Variants in THSD7B observed in about 807,000 individuals in gnomAD.
THSD7B encodes thrombospondin type-1 domain-containing protein 7B.
A neutral mutation model predicts 213.6 loss-of-function variants in THSD7B; 138 were observed. That is an observed-to-expected ratio of 0.65 (90% CI 0.56 to 0.74). THSD7B has a LOEUF of 0.74. THSD7B is among the 30% of genes least tolerant of loss of function. The probability of loss-of-function intolerance (pLI) is 0.00; values close to 1 mark genes in which losing one functional copy is unlikely to be tolerated. For synonymous variants in THSD7B, 742 were observed against 687.0 expected (o/e 1.08, Z -1.25); for missense variants, 1,931 against 1,991.5 (o/e 0.97, Z 0.58).
chr2:136,977,807 T>TTGTTTTG (rs58024788), intron 2 of THSD7B, among the ~76,000 whole-genome samples: 8,219 of 53,382 alleles, frequency 0.15, 447 homozygotes, highest in African/African-American at 0.22. Flanking sequence ...CTTTGTTTTT[T>TTGTTTTG]TTTTTTTTTT....
chr2:137,620,543 G>A, intron 19 of THSD7B, 66 bp from the exon 20 acceptor site: 1 of 1,268,358 alleles, frequency 7.9e-7, no homozygotes, highest in Non-Finnish European at 1.1e-6. Flanking sequence ...TCTTTCCCAT[G>A]AAAGGACAGT....
At chr2:137,007,019 G>A (rs1393783205) in intron 2 of THSD7B, among the ~76,000 whole-genome samples, 1 of 152,186 alleles carries the variant, frequency 6.6e-6, no homozygotes, top group Non-Finnish European at 1.5e-5. Flanking sequence ...TCCTAGCTGT[G>A]TAGAGGACAA....
At chr2:136,944,524 T>C (rs1684890699) in intron 2 of THSD7B, among the ~76,000 whole-genome samples, 1 of 152,124 alleles carries the variant, frequency 6.6e-6, no homozygotes, top group Admixed American at 6.5e-5. Flanking sequence ...TCTAAGTCTC[T>C]TTATAGGTCT....
intron 15 of THSD7B, among the ~76,000 whole-genome samples, chr2:137,537,069 C>CA (rs571168523): frequency 2.0e-5 from 3 of 151,270 alleles, no homozygotes; most frequent in Non-Finnish European, 4.4e-5. Flanking sequence ...GTTGTCTATA[C>CA]AAAAAAAAGA....
chr2:137,592,564 C>T (rs887088945), intron 17 of THSD7B, among the ~76,000 whole-genome samples: 1 of 151,872 alleles, frequency 6.6e-6, no homozygotes, highest in African/African-American at 2.4e-5. Context: ...GAGACTATAA[C>T]TTTTATTCCT....
At chr2:137,439,324 G>T (rs1263844056) in intron 14 of THSD7B, among the ~76,000 whole-genome samples, 2 of 151,924 alleles carry the variant, frequency 1.3e-5, no homozygotes, top group Non-Finnish European at 2.9e-5. Context: ...AGCCTTCTTT[G>T]TGTGAATTAG....
At chr2:137,073,126 G>C (rs1331976004) in intron 3 of THSD7B, among the ~76,000 whole-genome samples, 1 of 152,146 alleles carries the variant, frequency 6.6e-6, no homozygotes, top group Non-Finnish European at 1.5e-5. Context: ...CATAAAATGA[G>C]TTAGGGAGGA....
At chr2:137,637,938 C>A (rs1208253653) in intron 20 of THSD7B, among the ~76,000 whole-genome samples, 1 of 152,146 alleles carries the variant, frequency 6.6e-6, no homozygotes, top group Non-Finnish European at 1.5e-5. Flanking sequence ...AGAGAATAAA[C>A]ATTAAAGTTA....
intron 2 of THSD7B, among the ~76,000 whole-genome samples, chr2:137,041,969 A>T (rs1385283249): frequency 6.6e-6 from 1 of 152,218 alleles, no homozygotes; most frequent in African/African-American, 2.4e-5. Flanking sequence ...TAAATTAGGC[A>T]CATGTTCAGT....
At chr2:137,385,708 A>C (rs988271154) in intron 12 of THSD7B, among the ~76,000 whole-genome samples, 1 of 152,200 alleles carries the variant, frequency 6.6e-6, no homozygotes, top group Non-Finnish European at 1.5e-5. Flanking sequence ...CTCTTCTGGA[A>C]CAGAATCAAG....
chr2:136,996,306 C>CTCT (rs1558880953), intron 2 of THSD7B, among the ~76,000 whole-genome samples: 1 of 151,306 alleles, frequency 6.6e-6, no homozygotes. Context: ...TCTCTCTGTC[C>CTCT]CTGTCTCTTT....
At chr2:137,594,329 A>G (rs1205581603) in intron 17 of THSD7B, among the ~76,000 whole-genome samples, 1 of 151,968 alleles carries the variant, frequency 6.6e-6, no homozygotes, top group Non-Finnish European at 1.5e-5. Flanking sequence ...TAATCCATGG[A>G]CAATTATTTG....
chr2:137,023,554 T>C (rs1686485964), intron 2 of THSD7B, among the ~76,000 whole-genome samples: 1 of 152,170 alleles, frequency 6.6e-6, no homozygotes, highest in African/African-American at 2.4e-5. Context: ...GTAAGGAGCT[T>C]TGAGCTAGCC....
chr2:137,567,175 A>G lies in THSD7B; in HGVS notation c.3272+3821A>G, dbSNP rs531605719. Reference sequence around the variant, plus strand: ...ATTTTATTTTATTTTATTTTATTTTATTTTATTTTTTGAGACTGAGTCTTG... The same window carrying G: ...ATTTTATTTTATTTTATTTTATTTTGTTTTATTTTTTGAGACTGAGTCTTG... On this transcript the variant is annotated intron_variant, in intron 16 of 27. Transcript: ENST00000409968. Among the ~76,000 whole-genome samples the G allele has an allele frequency of 2.0e-4, 28 of 142,874 alleles. No homozygotes were observed. The East Asian group carries it at 5.5e-3, about 28-fold the overall frequency. The allele number at this position is 142,874 out of a possible 152,430, so 93.7% of individuals were successfully genotyped here.
chr2:136,988,061 A>G (rs1008185510), intron 2 of THSD7B, among the ~76,000 whole-genome samples: 3 of 152,196 alleles, frequency 2.0e-5, no homozygotes, highest in Non-Finnish European at 4.4e-5. Flanking sequence ...TATTTAGTAA[A>G]TGCACTGAGT....
At chr2:137,351,093 C>A (rs1254007475) in intron 12 of THSD7B, among the ~76,000 whole-genome samples, 5 of 151,770 alleles carry the variant, frequency 3.3e-5, no homozygotes, top group African/African-American at 1.2e-4. Flanking sequence ...ATAATTGAAT[C>A]CTTGGGATTG....
rs911413825 is a variant in THSD7B at position 137,115,433 on chromosome 2, G to A, written c.1369+140G>A. 1.1e-5 allele frequency: 10 copies of A among 923,714 alleles called. No individual in the cohort carries two copies. The South Asian group carries it at 1.2e-4, about 11-fold the overall frequency. The allele number at this position is 923,714 out of a possible 1,614,324, so 57.2% of individuals were successfully genotyped here. A position where few individuals can be genotyped will look rare whatever the true frequency, so the allele number is the denominator to read the frequency against. On this transcript the variant is annotated intron_variant, in intron 5 of 27. Transcript: ENST00000409968. Reference sequence around the variant, plus strand: ...TTATTTTGTTGACCATTTGTATGCCGCCCCTAAGTTCTTCCACTTGTAACA... The same window carrying A: ...TTATTTTGTTGACCATTTGTATGCCACCCCTAAGTTCTTCCACTTGTAACA...
chr2:137,373,681 G>C, intron 12 of THSD7B, among the ~76,000 whole-genome samples: 1 of 152,138 alleles, frequency 6.6e-6, no homozygotes. Context: ...TTCTTTTGCT[G>C]TGCAGAAGCT....
chr2:137,563,603 T>A (rs544804299), intron 16 of THSD7B, among the ~76,000 whole-genome samples: 1 of 152,294 alleles, frequency 6.6e-6, no homozygotes, highest in Non-Finnish European at 1.5e-5. Context: ...GAGAACCACC[T>A]GCAATGGAGC....
Sources: gnomAD v4.1 joint callset for allele counts (sites outside exome capture counted in the v4.1 genomes callset) on GRCh38, gnomAD v4.1.1 for gene constraint, MANE v1.5 for transcripts, NCBI Gene and HGNC (gene_info 2026-07-23, HGNC 2026-07-21) for gene names.